The following YAF2 variants were observed in gnomAD, a reference collection of about 807,000 sequenced individuals.
YAF2 encodes YY1 associated factor 2.
Under a neutral mutation model 20.1 loss-of-function variants are expected in YAF2, and 7 were observed. The ratio of observed to expected loss-of-function variants is 0.35; its 90% CI spans 0.20 to 0.65. YAF2 has a LOEUF of 0.65. Ranked by LOEUF, YAF2 falls within the 30% of genes least tolerant of loss-of-function variation. The pLI is 0.69. For missense variants in YAF2, 151 were observed against 219.2 expected, an observed-to-expected ratio of 0.69 and a Z score of 1.96; for synonymous variants, 74 against 76.0, an observed-to-expected ratio of 0.97 and a Z score of 0.14.
At chr12:42,233,041 G>C (rs1342597418) in intron 2 of YAF2, 85 of 985,084 alleles carry the variant, frequency 8.6e-5, no homozygotes, top group Non-Finnish European at 9.9e-5. Context: ...GCTCACCACT[G>C]TATGTCTAGT....
intron 2 of YAF2, chr12:42,233,112 A>G: frequency 1.0e-6 from 1 of 985,466 alleles, no homozygotes; most frequent in Non-Finnish European, 1.2e-6. Flanking sequence ...GAATATTGAA[A>G]TGGTTGATAT....
intron 2 of YAF2, among the ~76,000 whole-genome samples, chr12:42,166,944 G>C (rs1436048653): frequency 6.6e-6 from 1 of 151,082 alleles, no homozygotes; most frequent in African/African-American, 2.4e-5. Context: ...TATCCTTCTA[G>C]ATGATGCCAC....
intron 2 of YAF2, among the ~76,000 whole-genome samples, chr12:42,169,959 C>T (rs1455368681): frequency 6.6e-6 from 1 of 152,070 alleles, no homozygotes; most frequent in Non-Finnish European, 1.5e-5. Flanking sequence ...CAGCCTCAAC[C>T]TTCTGGGTTC....
intron 3 of YAF2, chr12:42,161,199 GACT>G: frequency 3.6e-6 from 1 of 280,724 alleles, no homozygotes; most frequent in East Asian, 9.7e-5. Context: ...ATGCAAGGAA[GACT>G]GTTACTCCAC....
At chr12:42,189,291 G>C (rs1331698726) in intron 2 of YAF2, among the ~76,000 whole-genome samples, 1 of 152,210 alleles carries the variant, frequency 6.6e-6, no homozygotes, top group South Asian at 2.1e-4. Context: ...GGAGAATTCT[G>C]ATTGATATAT....
At chr12:42,219,487 A>AT (rs1304395303) in intron 2 of YAF2, among the ~76,000 whole-genome samples, 1 of 152,224 alleles carries the variant, frequency 6.6e-6, no homozygotes, top group Non-Finnish European at 1.5e-5. Flanking sequence ...ATGAGAGTTC[A>AT]TTAAGCTCAT....
intron 2 of YAF2, among the ~76,000 whole-genome samples, chr12:42,169,703 G>A (rs1043286633): frequency 6.0e-5 from 9 of 151,168 alleles, no homozygotes; most frequent in East Asian, 2.0e-4. Context: ...GTGAACCACC[G>A]TGCCCAGCCA....
intron 2 of YAF2, among the ~76,000 whole-genome samples, chr12:42,226,905 G>T (rs1292237218): frequency 6.7e-6 from 1 of 150,334 alleles, no homozygotes; most frequent in Non-Finnish European, 1.5e-5. Flanking sequence ...TGGGGTCGGT[G>T]GCTTAGGGAG....
Position 42,161,753 on chromosome 12 carries a change from A to G in YAF2, c.165T>C (p.Pro55=). The G allele has an allele frequency of 1.9e-6, 3 of 1,603,774 alleles. No homozygotes were observed. The highest frequency in any genetic ancestry group is 2.5e-6 in the Non-Finnish European group (3 of 1,177,524). The change falls in exon 3 of 4, where the codon CCT becomes CCC. Residue 55 remains proline, a synonymous_variant. Coordinates refer to ENST00000534854, the MANE Select transcript of YAF2 (RefSeq NM_005748.6). ...RKGTSTRKPR[P]VSQLVAQQVT... ...CCTGCTGTGCAACCAACTGGGAGAC[A>G]GGTCGAGGTTTCCTGTGTGCATGTT...
chr12:42,163,326 T>C (rs1360529150), intron 2 of YAF2, among the ~76,000 whole-genome samples: 1 of 152,188 alleles, frequency 6.6e-6, no homozygotes, highest in Non-Finnish European at 1.5e-5. Flanking sequence ...ATTTTATCCT[T>C]AAGTGATGAT....
chr12:42,197,140 GTAAGAAAATTA>G, intron 2 of YAF2, among the ~76,000 whole-genome samples: 1 of 152,320 alleles, frequency 6.6e-6, no homozygotes, highest in African/African-American at 2.4e-5. Context: ...GAAAATACAA[GTAAGAAAATTA>G]TTACAGTGCT....
intron 2 of YAF2, chr12:42,199,385 C>G: frequency 7.0e-6 from 2 of 285,070 alleles, no homozygotes; most frequent in Non-Finnish European, 1.3e-5. Context: ...GTGACATAAA[C>G]ATTGTTCACT....
intron 2 of YAF2, among the ~76,000 whole-genome samples, chr12:42,200,999 G>T (rs2066884526): frequency 6.6e-6 from 1 of 152,050 alleles, no homozygotes; most frequent in Admixed American, 6.6e-5. Context: ...ATTCATAAAG[G>T]GCTTAAAACA....
In YAF2 at chr12:42,219,509, T is replaced by G. The variant is rs73114415; in HGVS notation, c.152+18090A>C. Among the ~76,000 whole-genome samples the G allele has an allele frequency of 5.8e-3, 886 of 152,132 alleles. 5 individuals are homozygous for G. The highest frequency in any genetic ancestry group is 0.011 in the Non-Finnish European group (716 of 67,994). The stretch of plus-strand genomic sequence containing the variant: ...TTCATTAAGCTCATTCAGAGAAGTG[T>G]TTGCTAAACAGAAAGGGGGACCAGA... On this transcript the variant is annotated intron_variant, in intron 2 of 3. Coordinates refer to ENST00000534854, the MANE Select transcript of YAF2 (RefSeq NM_005748.6).
At position 42,160,323 on chromosome 12, in the gene YAF2, C is replaced by T; in HGVS notation, c.*266G>A. The T allele has an allele frequency of 2.9e-6, 1 of 348,640 alleles. No individual in the cohort carries two copies. The highest frequency in any genetic ancestry group is 5.3e-5 in the East Asian group (1 of 18,746). The allele number at this position is 348,640 out of a possible 1,614,324, so 21.6% of individuals were successfully genotyped here. A position where few individuals can be genotyped will look rare whatever the true frequency, so the allele number is the denominator to read the frequency against. On this transcript the variant is annotated 3_prime_UTR_variant, in exon 4 of 4. Transcript: ENST00000534854. ...ATTCACTAAACTAAAAGTGAAAATACACTTACCAATAACACTGCATAATGA... is the reference window on the plus strand; with the variant it reads ...ATTCACTAAACTAAAAGTGAAAATATACTTACCAATAACACTGCATAATGA...
At chr12:42,177,454 C>T (rs545837557) in intron 2 of YAF2, among the ~76,000 whole-genome samples, 33 of 152,286 alleles carry the variant, frequency 2.2e-4, no homozygotes, top group African/African-American at 7.7e-4. Flanking sequence ...CCTCACAAGG[C>T]CTTTCCTCAG....
At position 42,211,876 on chromosome 12, in the gene YAF2, C is replaced by A. The variant is rs149319478; in HGVS notation, c.152+25723G>T. ...CCAGCCTCACTAACATAGTGAAACC[C>A]CGTCTCTACTAAAAATACAAAAATT... On this transcript the variant is annotated intron_variant, in intron 2 of 3. Transcript: ENST00000534854. 7.0e-3 allele frequency among the ~76,000 whole-genome samples: 1,063 copies of A among 152,004 alleles called. 37 individuals carry two copies. The East Asian group carries it at 0.085, about 12-fold the overall frequency.
intron 2 of YAF2, among the ~76,000 whole-genome samples, chr12:42,217,994 C>A (rs1220893980): frequency 6.6e-6 from 1 of 152,144 alleles, no homozygotes; most frequent in African/African-American, 2.4e-5. Context: ...CATGCTCAGA[C>A]AATCCCAACC....
chr12:42,221,552 C>CT (rs1401622689), intron 2 of YAF2, among the ~76,000 whole-genome samples: 10 of 152,240 alleles, frequency 6.6e-5, no homozygotes, highest in Non-Finnish European at 1.2e-4. Context: ...GAGCAAGACT[C>CT]TATCTCTTTA....
Sources: allele counts gnomAD v4.1 joint callset (sites outside exome capture counted in the v4.1 genomes callset), GRCh38; gene constraint gnomAD v4.1.1; transcripts MANE v1.5; gene names NCBI Gene and HGNC (gene_info 2026-07-23, HGNC 2026-07-21).